The following ALX4 variants were observed in gnomAD, a reference collection of about 807,000 sequenced individuals.
ALX4 encodes the protein ALX homeobox 4.
In ALX4, 22 loss-of-function variants were observed where a neutral mutation model predicts 40.6. The observed-to-expected ratio is 0.54, with a 90% confidence interval of 0.39 to 0.77. The LOEUF (loss-of-function observed/expected upper bound fraction) is 0.77, where lower values mean the gene tolerates loss of function less well. Ranked by LOEUF, ALX4 falls within the 30% of genes least tolerant of loss-of-function variation. The pLI is 0.00. For synonymous variants in ALX4, 266 were observed against 240.5 expected, an observed-to-expected ratio of 1.11 and a Z score of -0.98; for missense variants, 556 against 564.8, an observed-to-expected ratio of 0.98 and a Z score of 0.16.
At chr11:44,293,390 C>A (rs938712488) in intron 1 of ALX4, among the ~76,000 whole-genome samples, 1 of 146,102 alleles carries the variant, frequency 6.8e-6, no homozygotes. Flanking sequence ...ACCAGCCTGG[C>A]CAACATGGCA....
intron 1 of ALX4, among the ~76,000 whole-genome samples, chr11:44,281,628 A>AT (rs1956310979): frequency 1.3e-5 from 2 of 151,722 alleles, no homozygotes; most frequent in Admixed American, 1.3e-4. Flanking sequence ...AGGCCCTTTC[A>AT]TGCTATTGAA....
At position 44,269,905 on chromosome 11, in the gene ALX4, C is replaced by T. The variant is rs145913733; in HGVS notation, c.778-2283G>A. ...CTCCCAGGGTTTTCTGTGGGGGAAG[C>T]TGGGGGGAGGGGAGAAGCCACTGGA... On this transcript the variant is annotated intron_variant, in intron 2 of 3. Transcript: ENST00000652299. 4.2e-3 allele frequency among the ~76,000 whole-genome samples: 643 copies of T among 152,244 alleles called. 2 individuals are homozygous for T. Among genetic ancestry groups the T allele is most frequent in the African/African-American group, 0.014 (600 of 41,544 alleles).
At chr11:44,302,030 G>C (rs889305192) in intron 1 of ALX4, among the ~76,000 whole-genome samples, 3 of 152,162 alleles carry the variant, frequency 2.0e-5, no homozygotes, top group Non-Finnish European at 1.5e-5. Context: ...CCTGCCACTC[G>C]GTGAGTCAGC....
At chr11:44,282,084 T>G (rs1346388615) in intron 1 of ALX4, among the ~76,000 whole-genome samples, 1 of 152,218 alleles carries the variant, frequency 6.6e-6, no homozygotes, top group East Asian at 1.9e-4. Flanking sequence ...GTAATCAATG[T>G]GTTCTGGGGG....
At chr11:44,273,973 A>G (rs1052542456) in intron 2 of ALX4, among the ~76,000 whole-genome samples, 1 of 151,746 alleles carries the variant, frequency 6.6e-6, no homozygotes, top group African/African-American at 2.4e-5. Context: ...ATAAACAAAA[A>G]TACCCAAAAG....
chr11:44,275,754 C>T lies in ALX4; in HGVS notation c.467-96G>A, dbSNP rs542676508. On this transcript the variant is annotated intron_variant, in intron 1 of 3. Coordinates refer to ENST00000652299, the MANE Select transcript of ALX4 (RefSeq NM_021926.4). ...GAGTGGGGCACTCGGGTAGCCACCC[C>T]CTGCCTTTTTCCTCTTAGAGCTCAT... is the stretch of plus-strand genomic sequence containing the variant. 6.3e-5 allele frequency: 78 copies of T among 1,239,718 alleles called. No individual in the cohort carries two copies. In the East Asian group the frequency reaches 1.3e-3, roughly 20 times the overall value. 76.8% of individuals were successfully genotyped at this position (1,239,718 alleles called of 1,614,324 possible). A position where few individuals can be genotyped will look rare whatever the true frequency, so the allele number is the denominator to read the frequency against.
At chr11:44,292,712 T>C (rs1956377093) in intron 1 of ALX4, among the ~76,000 whole-genome samples, 1 of 152,228 alleles carries the variant, frequency 6.6e-6, no homozygotes, top group Non-Finnish European at 1.5e-5. Context: ...TTGGAGTAGA[T>C]GGGTTCCCAG....
At chr11:44,307,739 G>T (rs1210030455) in intron 1 of ALX4, among the ~76,000 whole-genome samples, 7 of 152,194 alleles carry the variant, frequency 4.6e-5, no homozygotes, top group Admixed American at 3.9e-4. Context: ...CAGCCAGTAC[G>T]GACAGGGCTG....
At position 44,267,586 on chromosome 11, in the gene ALX4, G is replaced by A. The variant is rs2135307388; in HGVS notation, c.814C>T (p.Arg272Trp). The A allele has an allele frequency of 6.2e-7, 1 of 1,614,108 alleles. No homozygotes were observed. Among genetic ancestry groups the A allele is most frequent in the Non-Finnish European group, 8.5e-7 (1 of 1,180,002 alleles). ...FQNRRAKWRK[R>W]ERFGQMQQVR... Reference sequence around the variant, plus strand: ...TGCTGCATCTGCCCAAAACGCTCCCGCTTCCTCCACTTGGCCCTTCGGTTC... The same window carrying A: ...TGCTGCATCTGCCCAAAACGCTCCCACTTCCTCCACTTGGCCCTTCGGTTC... The change falls in exon 3 of 4, where the codon CGG becomes TGG. Residue 272 changes from arginine to tryptophan, a missense_variant. Transcript: ENST00000652299.
intron 1 of ALX4, among the ~76,000 whole-genome samples, chr11:44,286,199 G>C (rs1272024342): frequency 6.6e-6 from 1 of 152,230 alleles, no homozygotes; most frequent in East Asian, 1.9e-4. Flanking sequence ...GATGAGGGGG[G>C]TCGAGGAAAC....
rs769140906 is a variant in ALX4, at chr11:44,309,679, G to T, written c.384C>A (p.Ala128=). ...AQPHLYLQRG[A]CKTPPDGSLK... The stretch of plus-strand genomic sequence containing the variant: ...GGCTGCCGTCCGGGGGCGTCTTGCA[G>T]GCGCCTCGCTGCAAGTAAAGATGCG... The change falls in exon 1 of 4, where the codon GCC becomes GCA. Residue 128 remains alanine, a synonymous_variant. Transcript: ENST00000652299. 13 of 1,591,482 alleles carry T rather than the reference G, an allele frequency of 8.2e-6. No homozygotes were observed. The African/African-American group carries it at 1.4e-4, about 17-fold the overall frequency.
chr11:44,278,792 G>C (rs1162609701), intron 1 of ALX4, among the ~76,000 whole-genome samples: 5 of 152,190 alleles, frequency 3.3e-5, no homozygotes, highest in African/African-American at 1.2e-4. Flanking sequence ...CTCCTCCCTT[G>C]CTCACCAGCA....
intron 1 of ALX4, among the ~76,000 whole-genome samples, chr11:44,293,699 C>G (rs1294252913): frequency 2.0e-5 from 3 of 152,250 alleles, no homozygotes; most frequent in Non-Finnish European, 4.4e-5. Flanking sequence ...TCACTGTCCA[C>G]CTGCCACATG....
intron 1 of ALX4, among the ~76,000 whole-genome samples, chr11:44,279,483 A>C (rs947985545): frequency 6.6e-6 from 1 of 152,176 alleles, no homozygotes; most frequent in South Asian, 2.1e-4. Context: ...CTGGAGTGTC[A>C]GCATGGTAGC....
chr11:44,294,612 C>T (rs2119863131), intron 1 of ALX4, among the ~76,000 whole-genome samples: 1 of 152,206 alleles, frequency 6.6e-6, no homozygotes, highest in Non-Finnish European at 1.5e-5. Context: ...CATCACTCAT[C>T]CATGTTTTAA....
At chr11:44,283,014 C>T (rs904039962) in intron 1 of ALX4, among the ~76,000 whole-genome samples, 3 of 152,198 alleles carry the variant, frequency 2.0e-5, no homozygotes, top group South Asian at 2.1e-4. Context: ...GAGGCAGAGG[C>T]GGATGGTGGA....
intron 1 of ALX4, among the ~76,000 whole-genome samples, chr11:44,286,585 C>T (rs1956340002): frequency 6.6e-6 from 1 of 152,194 alleles, no homozygotes; most frequent in African/African-American, 2.4e-5. Context: ...TGTTTGAAGA[C>T]CCAGGTCCTA....
In ALX4 at chr11:44,309,889, C is replaced by A; in HGVS notation, c.174G>T (p.Gly58=). ...CGTAACGGGCCCGGCTCTTGGCGTC[C>A]CCGAATCCCTGTGCTTTGGCGGCGG... ...LSAAAKAQGF[G]DAKSRARYGA... is the part of the protein sequence containing the mutation. The change falls in exon 1 of 4, where the codon GGG becomes GGT. Residue 58 remains glycine (G), a synonymous_variant. Transcript: ENST00000652299. The A allele has an allele frequency of 6.3e-7, 1 of 1,580,554 alleles. No homozygotes were observed. Among genetic ancestry groups the A allele is most frequent in the African/African-American group, 1.3e-5 (1 of 74,210 alleles).
intron 1 of ALX4, among the ~76,000 whole-genome samples, chr11:44,309,132 C>A (rs1043947270): frequency 4.6e-5 from 7 of 152,150 alleles, no homozygotes; most frequent in East Asian, 1.9e-4. Context: ...CGGCGAGGAG[C>A]GAGGCTTCTG....
Sources: gnomAD v4.1 joint callset for allele counts (sites outside exome capture counted in the v4.1 genomes callset) on GRCh38, gnomAD v4.1.1 for gene constraint, MANE v1.5 for transcripts, NCBI Gene and HGNC (gene_info 2026-07-23, HGNC 2026-07-21) for gene names.